The following TSTD2 variants were observed in gnomAD, a reference collection of about 807,000 sequenced individuals.
TSTD2 encodes the protein thiosulfate sulfurtransferase like domain containing 2, also known as thiosulfate sulfurtransferase/rhodanese-like domain-containing protein 2.
A neutral mutation model predicts 47.9 loss-of-function variants in TSTD2; 37 were observed. That is an observed-to-expected ratio of 0.77 (90% CI 0.59 to 1.02). The LOEUF is 1.02. Among genes scored for constraint, TSTD2 ranks in the 50% least tolerant of loss-of-function variants. The probability of loss-of-function intolerance (pLI) is 0.00; values close to 1 mark genes in which losing one functional copy is unlikely to be tolerated. For synonymous variants in TSTD2, 201 were observed against 215.9 expected (o/e 0.93, Z 0.61); for missense variants, 586 against 616.0 (o/e 0.95, Z 0.52).
At chr9:97,631,689 T>C (rs1826816641) in intron 1 of TSTD2, among the ~76,000 whole-genome samples, 1 of 152,032 alleles carries the variant, frequency 6.6e-6, no homozygotes, top group African/African-American at 2.4e-5. Context: ...ACTAAAAATA[T>C]ACAAATTAGC....
intron 3 of TSTD2, among the ~76,000 whole-genome samples, chr9:97,619,328 G>A (rs1040379419): frequency 4.6e-5 from 7 of 152,096 alleles, no homozygotes; most frequent in East Asian, 1.9e-4. Context: ...TGAGCAACGC[G>A]GGTTTGAACT....
chr9:97,603,389 C>G (rs1387376500), intron 9 of TSTD2, among the ~76,000 whole-genome samples: 2 of 152,182 alleles, frequency 1.3e-5, no homozygotes, highest in Non-Finnish European at 2.9e-5. Flanking sequence ...TGAGCCTTCC[C>G]TCTCTCCTTC....
At chr9:97,626,311 C>T (rs1826719697) in intron 2 of TSTD2, among the ~76,000 whole-genome samples, 1 of 152,066 alleles carries the variant, frequency 6.6e-6, no homozygotes, top group Non-Finnish European at 1.5e-5. Context: ...TCACAAATAA[C>T]ACTATTAGTT....
At chr9:97,609,970 A>G (rs1826429708) in intron 6 of TSTD2, among the ~76,000 whole-genome samples, 1 of 152,264 alleles carries the variant, frequency 6.6e-6, no homozygotes, top group Non-Finnish European at 1.5e-5. Flanking sequence ...TCTAGAGCAC[A>G]GTGAAAACTG....
At chr9:97,629,872 C>T (rs1826782206) in intron 1 of TSTD2, among the ~76,000 whole-genome samples, 2 of 152,174 alleles carry the variant, frequency 1.3e-5, no homozygotes, top group South Asian at 4.1e-4. Flanking sequence ...GTAACATTGT[C>T]GAAAGGAATT....
At chr9:97,619,500 TTTTC>T (rs1457934259) in intron 3 of TSTD2, among the ~76,000 whole-genome samples, 6 of 152,042 alleles carry the variant, frequency 3.9e-5, no homozygotes, top group African/African-American at 1.5e-4. Context: ...TGTATTACGA[TTTTC>T]TTTTTTTCTT....
intron 6 of TSTD2, among the ~76,000 whole-genome samples, 155 bp from the exon 7 acceptor site, chr9:97,606,416 T>A (rs1399135548): frequency 6.6e-6 from 1 of 152,234 alleles, no homozygotes; most frequent in Non-Finnish European, 1.5e-5. Flanking sequence ...CACTACTTGA[T>A]GATCATGATG....
Position 97,611,634 on chromosome 9 carries a change from A to C in TSTD2, c.669T>G (p.Tyr223Ter). The C allele has an allele frequency of 6.2e-7, 1 of 1,611,134 alleles. No individual in the cohort carries two copies. The highest frequency in any genetic ancestry group is 8.5e-7 in the Non-Finnish European group (1 of 1,177,368). Reference sequence around the variant, plus strand: ...ATGGGAAGGAAAGCATGACTTCCACATAAAGTCTGGTAGCCAATTTGCTTC... The same window carrying C: ...ATGGGAAGGAAAGCATGACTTCCACCTAAAGTCTGGTAGCCAATTTGCTTC... ...VGGSKLATRL[Y>*]VEVMLSFPLF... is the part of the protein sequence containing the mutation. The change falls in exon 5 of 10, where the codon TAT (tyrosine) becomes TAG (stop). Residue 223 changes from tyrosine (Y) to a stop codon, truncating the protein, a stop_gained. Transcript: ENST00000341170. LOFTEE classifies it high-confidence loss of function.
At chr9:97,623,348 A>T (rs1181691849) in intron 3 of TSTD2, among the ~76,000 whole-genome samples, 3 of 152,212 alleles carry the variant, frequency 2.0e-5, no homozygotes, top group Non-Finnish European at 4.4e-5. Context: ...GGAACTGTTA[A>T]GTCCATTAAA....
chr9:97,628,124 C>T (rs1191504713), intron 1 of TSTD2, among the ~76,000 whole-genome samples: 1 of 152,222 alleles, frequency 6.6e-6, no homozygotes, highest in Non-Finnish European at 1.5e-5. Context: ...CAGTTATAAA[C>T]ACTTTCTTCT....
chr9:97,619,849 T>C (rs913784789), intron 3 of TSTD2, among the ~76,000 whole-genome samples: 1 of 152,196 alleles, frequency 6.6e-6, no homozygotes, highest in African/African-American at 2.4e-5. Flanking sequence ...CCTGACCCCG[T>C]GTTTTTCAAG....
chr9:97,630,483 A>G (rs1368577575), intron 1 of TSTD2, among the ~76,000 whole-genome samples: 2 of 113,428 alleles, frequency 1.8e-5, no homozygotes, highest in Non-Finnish European at 3.3e-5. Flanking sequence ...AGTAAGTAAT[A>G]AACAAACAAA....
In TSTD2 at chr9:97,606,235, G is replaced by T. The variant is rs1826362669; in HGVS notation, c.862C>A (p.His288Asn). 1.2e-6 allele frequency: 2 copies of T among 1,608,374 alleles called. No individual in the cohort carries two copies. The highest frequency in any genetic ancestry group is 4.5e-5 in the East Asian group (2 of 44,798). ...GATAAAAACTTTTCTACTTCTTTAT[G>T]AAATTCACCTGGGGATAAATGGATT... is the stretch of plus-strand genomic sequence containing the variant. ...PGIHLSPGEF[H>N]KEVEKFLSQA... Residue 288 changes from histidine to asparagine, a missense_variant, in exon 7 of 10, where the codon CAT becomes AAT. By Grantham distance (68) the His-to-Asn change is moderately conservative. Transcript: ENST00000341170.
In TSTD2 at chr9:97,610,445, T is replaced by G. The variant is rs775088213; in HGVS notation, c.736A>C (p.Lys246Gln). Residue 246 changes from lysine (K) to glutamine (Q), a missense_variant, in exon 6 of 10, where the codon AAA becomes CAA. Lys to Gln is a moderately conservative substitution (Grantham distance 53, BLOSUM62 1). Coordinates refer to ENST00000341170, the MANE Select transcript of TSTD2 (RefSeq NM_139246.5). ...TCTGGAAAACAGTGAGCTCCTCCTT[T>G]GCTGGTCTAGCCAATGAGAAACAAA... The part of the protein sequence containing the change: ...DLCKDDFKTS[K>Q]GGAHCFPELR... 3 of 1,571,456 alleles carry G rather than the reference T, an allele frequency of 1.9e-6. No individual in the cohort carries two copies. Among genetic ancestry groups the G allele is most frequent in the Non-Finnish European group, 8.6e-7 (1 of 1,161,050 alleles).
Position 97,601,594 on chromosome 9 carries a change from G to A in TSTD2, c.*875C>T. On this transcript the variant is annotated 3_prime_UTR_variant, in exon 10 of 10. Coordinates refer to ENST00000341170, the MANE Select transcript of TSTD2 (RefSeq NM_139246.5). ...GATGAGCTGCTGGTCTAGATCAGGG[G>A]CTGGCAAACTTTTCTGTAAAAGGCC... 1 of 987,176 alleles carries A rather than the reference G, an allele frequency of 1.0e-6. No individual in the cohort carries two copies. The highest frequency in any genetic ancestry group is 1.2e-6 in the Non-Finnish European group (1 of 831,216). The allele number at this position is 987,176 out of a possible 1,614,324, so 61.2% of individuals were successfully genotyped here. A position where few individuals can be genotyped will look rare whatever the true frequency, so the allele number is the denominator to read the frequency against.
rs1210288961 is a variant in TSTD2 at position 97,601,096 on chromosome 9, C to G, written c.*1373G>C. The G allele has an allele frequency of 1.5e-6, 2 of 1,304,286 alleles. No individual in the cohort carries two copies. Among genetic ancestry groups the G allele is most frequent in the Admixed American group, 4.6e-5 (2 of 43,564 alleles). The allele number at this position is 1,304,286 out of a possible 1,614,324, so 80.8% of individuals were successfully genotyped here. On this transcript the variant is annotated 3_prime_UTR_variant, in exon 10 of 10. Coordinates refer to ENST00000341170, the MANE Select transcript of TSTD2 (RefSeq NM_139246.5). ...ACTGGAGGCGGGGCCAGGGCCTCAG[C>G]GCTATGGAAGAGTGTCCACTGAGGC... is the stretch of plus-strand genomic sequence containing the variant.
chr9:97,613,291 C>T lies in TSTD2; in HGVS notation c.604-1592G>A, dbSNP rs148400324. Among the ~76,000 whole-genome samples, 666 of 152,312 alleles carry T rather than the reference C, an allele frequency of 4.4e-3. 1 individual carries two copies. The highest frequency in any genetic ancestry group is 7.7e-3 in the Non-Finnish European group (524 of 68,030). On this transcript the variant is annotated intron_variant, in intron 4 of 9. Coordinates refer to ENST00000341170, the MANE Select transcript of TSTD2 (RefSeq NM_139246.5). Reference sequence around the variant, plus strand: ...TGCATGGTGTTTGGAGGACAGCCTACCACTGCAAACCATCCACTGGAATAC... The same window carrying T: ...TGCATGGTGTTTGGAGGACAGCCTATCACTGCAAACCATCCACTGGAATAC...
Position 97,617,780 on chromosome 9 carries a change from G to GAC in TSTD2, c.578_579dup (p.Gln194ValfsTer99). The GAC allele has an allele frequency of 6.2e-7, 1 of 1,614,028 alleles. No homozygotes were observed. Among genetic ancestry groups the GAC allele is most frequent in the South Asian group, 1.1e-5 (1 of 91,050 alleles). The stretch of plus-strand genomic sequence containing the variant: ...ACCTTGCCTGTGAGGTGCAGGTGCT[G>GAC]ACACAGAGCTGTCTGCCAGGCACAG... On this transcript the variant is annotated frameshift_variant, in exon 4 of 10. Transcript: ENST00000341170. LOFTEE classifies it high-confidence loss of function.
At chr9:97,605,459 C>T in intron 8 of TSTD2, 24 bp downstream of exon 8, 1 of 1,611,490 alleles carries the variant, frequency 6.2e-7, no homozygotes, top group Non-Finnish European at 8.5e-7. Context: ...GCCATGCCCA[C>T]AGTGCCCCGG....
Sources: gnomAD v4.1 joint callset for allele counts (sites outside exome capture counted in the v4.1 genomes callset) on GRCh38, gnomAD v4.1.1 for gene constraint, MANE v1.5 for transcripts, NCBI Gene and HGNC (gene_info 2026-07-23, HGNC 2026-07-21) for gene names.